Variants in DLG2 observed in about 807,000 individuals in gnomAD.
DLG2 encodes discs large MAGUK scaffold protein 2, also known as disks large homolog 2.
Under a neutral mutation model 132.5 loss-of-function variants are expected in DLG2, and 45 were observed. The observed-to-expected ratio is 0.34, with a 90% CI of 0.27 to 0.44. The LOEUF is 0.44. Among genes scored for constraint, DLG2 ranks in the 20% least tolerant of loss-of-function variants. The pLI, the probability that DLG2 is intolerant of heterozygous loss-of-function variation, is 1.00. For missense variants in DLG2, 1,045 were observed against 1,196.9 expected (o/e 0.87, Z 1.87); for synonymous variants, 424 against 419.6 (o/e 1.01, Z -0.13).
intron 18 of DLG2, among the ~76,000 whole-genome samples, chr11:83,735,782 C>T (rs1019332664): frequency 6.6e-6 from 1 of 152,162 alleles, no homozygotes; most frequent in Non-Finnish European, 1.5e-5. Flanking sequence ...TAAGATGGTT[C>T]ACCCTTTCTA....
intron 4 of DLG2, among the ~76,000 whole-genome samples, chr11:85,225,229 C>G (rs1304860058): frequency 6.6e-6 from 1 of 152,064 alleles, no homozygotes; most frequent in Admixed American, 6.6e-5. Context: ...TCTAGGCTTT[C>G]AGCACTGCCC....
chr11:84,226,468 A>G (rs2096996231), intron 8 of DLG2, among the ~76,000 whole-genome samples: 1 of 152,206 alleles, frequency 6.6e-6, no homozygotes, highest in Non-Finnish European at 1.5e-5. Context: ...AATGTCACAT[A>G]AATCCCTAAC....
chr11:83,503,262 C>G (rs148538348), intron 21 of DLG2, among the ~76,000 whole-genome samples: 4 of 149,686 alleles, frequency 2.7e-5, no homozygotes, highest in Non-Finnish European at 5.9e-5. Flanking sequence ...ATTCTACCAG[C>G]AAAAGGAATT....
chr11:84,984,765 T>G (rs2056258354), intron 6 of DLG2, among the ~76,000 whole-genome samples: 1 of 152,108 alleles, frequency 6.6e-6, no homozygotes, highest in Non-Finnish European at 1.5e-5. Flanking sequence ...AGGACTCACA[T>G]AAACTTAAGG....
chr11:84,889,476 G>A (rs2088938743), intron 6 of DLG2, among the ~76,000 whole-genome samples: 1 of 152,054 alleles, frequency 6.6e-6, no homozygotes, highest in Non-Finnish European at 1.5e-5. Context: ...TAATTGGTCA[G>A]TATTCCTACA....
intron 10 of DLG2, 126 bp downstream of exon 10, chr11:84,098,797 G>GT: frequency 9.2e-7 from 1 of 1,092,364 alleles, no homozygotes; most frequent in South Asian, 1.5e-5. Context: ...ATTTCAGGAA[G>GT]CTTGCCTTAA....
chr11:84,183,560 A>G (rs1297969779), intron 8 of DLG2, among the ~76,000 whole-genome samples: 1 of 152,196 alleles, frequency 6.6e-6, no homozygotes, highest in Non-Finnish European at 1.5e-5. Context: ...ACTTGGAAAT[A>G]TATCAATAGA....
At chr11:83,552,820 T>C (rs1348352908) in intron 19 of DLG2, among the ~76,000 whole-genome samples, 1 of 152,234 alleles carries the variant, frequency 6.6e-6, no homozygotes, top group Non-Finnish European at 1.5e-5. Flanking sequence ...AACATTGTTA[T>C]GAAAGTAGAA....
intron 8 of DLG2, among the ~76,000 whole-genome samples, chr11:84,250,811 G>T (rs77000358): frequency 0.054 from 8,247 of 152,024 alleles, 300 homozygotes; most frequent in Non-Finnish European, 0.076. Context: ...GAAACTTTTG[G>T]CCACTTCTTA....
intron 6 of DLG2, among the ~76,000 whole-genome samples, chr11:84,917,500 A>G (rs186737501): frequency 6.6e-6 from 1 of 152,320 alleles, no homozygotes; most frequent in African/African-American, 2.4e-5. Flanking sequence ...TATTTGTAAT[A>G]TTAGGCAAGT....
chr11:83,639,944 G>A (rs936412296), intron 18 of DLG2, among the ~76,000 whole-genome samples: 1 of 152,128 alleles, frequency 6.6e-6, no homozygotes, highest in African/African-American at 2.4e-5. Flanking sequence ...CTCAAAATGA[G>A]ATTTGACTGA....
intron 4 of DLG2, among the ~76,000 whole-genome samples, chr11:85,157,944 G>A (rs1184392333): frequency 2.0e-5 from 3 of 151,654 alleles, no homozygotes; most frequent in East Asian, 1.9e-4. Context: ...TGTCTGAGGA[G>A]ATAAACCCCG....
At chr11:83,466,305 G>A (rs111561657) in intron 26 of DLG2, among the ~76,000 whole-genome samples, 2,089 of 152,074 alleles carry the variant, frequency 0.014, 48 homozygotes, top group African/African-American at 0.047. Flanking sequence ...AGAAGTATGA[G>A]ACAATTAAAA....
intron 18 of DLG2, among the ~76,000 whole-genome samples, chr11:83,772,264 G>A (rs1248700750): frequency 6.6e-6 from 1 of 151,928 alleles, no homozygotes; most frequent in African/African-American, 2.4e-5. Context: ...AAAAAAATTG[G>A]CTGGGCATGG....
chr11:84,182,718 C>A (rs964147113), intron 8 of DLG2, among the ~76,000 whole-genome samples: 5 of 151,700 alleles, frequency 3.3e-5, no homozygotes, highest in Non-Finnish European at 7.4e-5. Flanking sequence ...CAAATTAAAT[C>A]CAAAGTAAGC....
chr11:83,634,327 G>T (rs7123890), intron 18 of DLG2, among the ~76,000 whole-genome samples: 3 of 151,870 alleles, frequency 2.0e-5, no homozygotes, highest in Admixed American at 1.3e-4. Context: ...AGAAAGAATC[G>T]GTTCTAAGGT....
At chr11:84,508,554 C>A (rs1217089096) in intron 7 of DLG2, among the ~76,000 whole-genome samples, 3 of 151,964 alleles carry the variant, frequency 2.0e-5, no homozygotes, top group African/African-American at 7.3e-5. Flanking sequence ...AGGTGCCCCC[C>A]ACCATGCCTG....
intron 7 of DLG2, among the ~76,000 whole-genome samples, chr11:84,397,504 T>C (rs1353831669): frequency 6.6e-6 from 1 of 152,234 alleles, no homozygotes; most frequent in Non-Finnish European, 1.5e-5. Context: ...GCGGGCCATG[T>C]CCAGGCCTCC....
intron 18 of DLG2, among the ~76,000 whole-genome samples, chr11:83,642,218 T>C (rs1305263087): frequency 6.6e-6 from 1 of 152,226 alleles, no homozygotes; most frequent in African/African-American, 2.4e-5. Context: ...AATGCTAACG[T>C]AAGTGCTTGC....
Sources: gnomAD v4.1 joint callset for allele counts (sites outside exome capture counted in the v4.1 genomes callset) on GRCh38, gnomAD v4.1.1 for gene constraint, MANE v1.5 for transcripts, NCBI Gene and HGNC (gene_info 2026-07-23, HGNC 2026-07-21) for gene names.